Variants in RANBP2 observed in about 807,000 individuals in gnomAD.
RANBP2 encodes the protein E3 SUMO-protein ligase RanBP2.
RANBP2 carries 57 observed loss-of-function variants against 303.6 expected under a neutral mutation model. That is an observed-to-expected ratio of 0.19 (90% confidence interval 0.15 to 0.23). The LOEUF is 0.23. Ranked by LOEUF, RANBP2 falls within the 10% of genes least tolerant of loss-of-function variation. The pLI, the probability that RANBP2 is intolerant of heterozygous loss-of-function variation, is 1.00. For missense variants in RANBP2, 3,138 were observed against 3,780.8 expected (o/e 0.83, Z 4.46); for synonymous variants, 1,167 against 1,301.5 (o/e 0.90, Z 2.23).
At chr2:109,057,373 A>G in the RANBP2 span, among the ~76,000 whole-genome samples, 1 of 152,234 alleles carries the variant, frequency 6.6e-6, no homozygotes, top group Admixed American at 6.5e-5. Flanking sequence ...GATATCTCAG[A>G]TTATTTCCAA....
the RANBP2 span, among the ~76,000 whole-genome samples, chr2:109,530,222 T>C: frequency 6.6e-6 from 1 of 152,122 alleles, no homozygotes; most frequent in African/African-American, 2.4e-5. Flanking sequence ...ACAAAAAGCA[T>C]GGCCCAGGGA....
At chr2:109,552,928 G>A in the RANBP2 span, 2 of 785,436 alleles carry the variant, frequency 2.5e-6, no homozygotes, top group East Asian at 5.5e-5. Flanking sequence ...TTCAGGCTAT[G>A]ATTCTAAGTC....
the RANBP2 span, among the ~76,000 whole-genome samples, chr2:109,575,892 T>G: frequency 1.3e-4 from 20 of 152,348 alleles, no homozygotes; most frequent in South Asian, 2.1e-4. Flanking sequence ...AGAATACACA[T>G]TGTTCTCCCT....
the RANBP2 span, among the ~76,000 whole-genome samples, chr2:109,694,462 G>A: frequency 2.0e-5 from 3 of 149,692 alleles, no homozygotes; most frequent in Non-Finnish European, 4.4e-5. Context: ...GGAATGCAGT[G>A]GCACAATCTC....
the RANBP2 span, chr2:109,398,862 A>G: frequency 6.2e-7 from 1 of 1,613,924 alleles, no homozygotes; most frequent in South Asian, 1.1e-5. Flanking sequence ...TTAGTGCTCC[A>G]GTGTTGATCA....
the RANBP2 span, among the ~76,000 whole-genome samples, chr2:109,558,409 G>T: frequency 8.5e-5 from 13 of 152,240 alleles, no homozygotes; most frequent in East Asian, 2.5e-3. Context: ...AAAGCTACAG[G>T]TCCCACAATA....
chr2:108,873,344 TC>T, the RANBP2 span: 1 of 1,049,958 alleles, frequency 9.5e-7, no homozygotes, highest in South Asian at 3.5e-5. Flanking sequence ...AGAATGAAAA[TC>T]TAAATGAATA....
the RANBP2 span, among the ~76,000 whole-genome samples, chr2:109,333,007 G>A: frequency 1.3e-5 from 2 of 152,362 alleles, no homozygotes; most frequent in South Asian, 2.1e-4. Context: ...GCTGGGTCAT[G>A]TATTCGTCTT....
At chr2:108,887,074 G>T in the RANBP2 span, among the ~76,000 whole-genome samples, 1 of 151,972 alleles carries the variant, frequency 6.6e-6, no homozygotes, top group East Asian at 1.9e-4. Context: ...GAGAGATAGG[G>T]GTCCATTTTC....
the RANBP2 span, among the ~76,000 whole-genome samples, chr2:109,473,060 C>T: frequency 6.6e-6 from 1 of 152,224 alleles, no homozygotes; most frequent in African/African-American, 2.4e-5. Flanking sequence ...CATGGTGTTG[C>T]AGCCTTTCAG....
chr2:108,858,161 C>T, the RANBP2 span, among the ~76,000 whole-genome samples: 7 of 152,072 alleles, frequency 4.6e-5, no homozygotes, highest in East Asian at 1.9e-4. Flanking sequence ...CTGGCCAACA[C>T]GGTGAAACCC....
At chr2:108,933,680 A>C in the RANBP2 span, among the ~76,000 whole-genome samples, 1 of 152,190 alleles carries the variant, frequency 6.6e-6, no homozygotes, top group South Asian at 2.1e-4. Flanking sequence ...GGACTGAGGC[A>C]AGATTGAGGA....
chr2:109,053,555 C>G, the RANBP2 span, among the ~76,000 whole-genome samples: 1 of 152,200 alleles, frequency 6.6e-6, no homozygotes, highest in Non-Finnish European at 1.5e-5. Context: ...TTTCTCTGCT[C>G]CAGCAGCTTT....
At chr2:109,093,426 GAAAGAAAAAA>G in the RANBP2 span, among the ~76,000 whole-genome samples, 3 of 115,764 alleles carry the variant, frequency 2.6e-5, no homozygotes, top group Non-Finnish European at 3.8e-5. Context: ...AAAAAAAAAA[GAAAGAAAAAA>G]AAAGAAAAAA....
chr2:109,629,467 G>C, the RANBP2 span, among the ~76,000 whole-genome samples: 7 of 148,782 alleles, frequency 4.7e-5, no homozygotes, highest in African/African-American at 1.7e-4. Context: ...GTTGAGAATT[G>C]ATTTTTAAAT....
At chr2:109,121,201 C>G in the RANBP2 span, among the ~76,000 whole-genome samples, 1 of 151,988 alleles carries the variant, frequency 6.6e-6, no homozygotes, top group Non-Finnish European at 1.5e-5. Flanking sequence ...GAGCTGAGAT[C>G]GCACCACTGC....
At chr2:109,582,600 C>T in the RANBP2 span, among the ~76,000 whole-genome samples, 1 of 152,078 alleles carries the variant, frequency 6.6e-6, no homozygotes, top group Non-Finnish European at 1.5e-5. Flanking sequence ...GGATTACAGG[C>T]GTAAGGCACC....
chr2:108,740,880 C>T (rs930373621), intron 7 of RANBP2, among the ~76,000 whole-genome samples, 199 bp downstream of exon 7: 10 of 151,260 alleles, frequency 6.6e-5, no homozygotes, highest in Non-Finnish European at 1.3e-4. Context: ...GTTGAATGCA[C>T]TCTTGTTGAA....
chr2:109,547,182 T>C, the RANBP2 span, among the ~76,000 whole-genome samples: 1 of 152,220 alleles, frequency 6.6e-6, no homozygotes, highest in Admixed American at 6.5e-5. Flanking sequence ...ATCTGCCAGC[T>C]ATGTGCCTTC....
Sources: allele counts gnomAD v4.1 joint callset (sites outside exome capture counted in the v4.1 genomes callset), GRCh38; gene constraint gnomAD v4.1.1; transcripts MANE v1.5; gene names NCBI Gene and HGNC (gene_info 2026-07-23, HGNC 2026-07-21).